Variants in PIK3C2G observed in about 807,000 individuals in gnomAD.
PIK3C2G encodes the protein phosphatidylinositol 3-kinase C2 domain-containing subunit gamma.
Under a neutral mutation model 181.1 loss-of-function variants are expected in PIK3C2G, and 168 were observed. The ratio of observed to expected loss-of-function variants is 0.93; its 90% CI spans 0.82 to 1.05. PIK3C2G has a LOEUF of 1.05. PIK3C2G is among the 50% of genes least tolerant of loss of function. PIK3C2G has a pLI of 0.00. For synonymous variants in PIK3C2G, 573 were observed against 592.2 expected, an observed-to-expected ratio of 0.97 and a Z score of 0.47; for missense variants, 1,869 against 1,732.8, an observed-to-expected ratio of 1.08 and a Z score of -1.40.
intron 29 of PIK3C2G, among the ~76,000 whole-genome samples, chr12:18,590,722 T>C (rs1445700715): frequency 1.3e-5 from 2 of 151,998 alleles, no homozygotes; most frequent in Non-Finnish European, 2.9e-5. Flanking sequence ...TTGATCATTT[T>C]GAGATCCAGT....
rs191244814 is a variant in PIK3C2G, at chr12:18,426,617, T to G, written c.2504+2578T>G. ...TCTATGTTTTACTCTCCTGAATGTA[T>G]GACAGGCATCATTTAGTTGCTTTGA... On this transcript the variant is annotated intron_variant, in intron 18 of 32. Coordinates refer to ENST00000538779, the MANE Select transcript of PIK3C2G (RefSeq NM_001288772.2). 2.7e-3 allele frequency among the ~76,000 whole-genome samples: 409 copies of G among 152,332 alleles called. 3 individuals are homozygous for G. The highest frequency in any genetic ancestry group is 4.6e-3 in the Non-Finnish European group (316 of 68,014).
At chr12:18,626,574 A>C (rs142291122) in intron 31 of PIK3C2G, among the ~76,000 whole-genome samples, 2 of 152,146 alleles carry the variant, frequency 1.3e-5, no homozygotes, top group African/African-American at 4.8e-5. Context: ...AACTCCCTTT[A>C]ATAATTTCTG....
In PIK3C2G at chr12:18,585,756, T is replaced by G. The variant is rs1322124003; in HGVS notation, c.4012-8738T>G. 2.0e-5 allele frequency among the ~76,000 whole-genome samples: 3 copies of G among 152,166 alleles called. No individual in the cohort carries two copies. In the South Asian group the frequency reaches 6.2e-4, roughly 31 times the overall value. On this transcript the variant is annotated intron_variant, in intron 29 of 32. Transcript: ENST00000538779. ...ACAACAGAACATACATTTTTCTTAT[T>G]GCCACATGGCACATACTCTAAAATC...
chr12:18,568,300 G>A (rs934429440), intron 29 of PIK3C2G, among the ~76,000 whole-genome samples: 1 of 152,014 alleles, frequency 6.6e-6, no homozygotes, highest in Non-Finnish European at 1.5e-5. Context: ...GAGTTTGGAC[G>A]CCAAGCCCAA....
At chr12:18,443,754 T>G (rs1202011287) in intron 18 of PIK3C2G, among the ~76,000 whole-genome samples, 1 of 152,208 alleles carries the variant, frequency 6.6e-6, no homozygotes, top group Non-Finnish European at 1.5e-5. Context: ...AAAGTCTATC[T>G]CTGATCTGTT....
chr12:18,331,826 G>A (rs1457586120), intron 8 of PIK3C2G, among the ~76,000 whole-genome samples: 2 of 152,014 alleles, frequency 1.3e-5, no homozygotes, highest in Admixed American at 6.6e-5. Flanking sequence ...ATATTTTACT[G>A]GGTTGAAAAA....
the PIK3C2G span, among the ~76,000 whole-genome samples, chr12:18,717,214 T>G: frequency 9.2e-5 from 14 of 152,094 alleles, no homozygotes; most frequent in African/African-American, 3.1e-4. Context: ...TATAACTGCT[T>G]TAATATTTAT....
At chr12:18,388,544 A>T (rs780707854) in intron 14 of PIK3C2G, among the ~76,000 whole-genome samples, 1 of 152,142 alleles carries the variant, frequency 6.6e-6, no homozygotes, top group African/African-American at 2.4e-5. Flanking sequence ...CAAAGTCCTG[A>T]GATTACAGGC....
chr12:18,387,541 A>G (rs189375022), intron 14 of PIK3C2G, among the ~76,000 whole-genome samples: 1 of 151,956 alleles, frequency 6.6e-6, no homozygotes, highest in East Asian at 1.9e-4. Context: ...TTCACCCTCC[A>G]CTGTCCACCC....
intron 29 of PIK3C2G, among the ~76,000 whole-genome samples, chr12:18,593,737 A>C (rs901531121): frequency 3.9e-5 from 6 of 151,920 alleles, no homozygotes; most frequent in African/African-American, 1.2e-4. Flanking sequence ...AGATCAGGTT[A>C]AATGTCAATT....
the PIK3C2G span, chr12:18,723,404 G>C: frequency 6.2e-7 from 1 of 1,613,040 alleles, no homozygotes; most frequent in Non-Finnish European, 8.5e-7. Context: ...AATTGAGCCA[G>C]ATTACTTGCT....
At chr12:18,556,161 G>A (rs369111133) in intron 26 of PIK3C2G, among the ~76,000 whole-genome samples, 2 of 152,124 alleles carry the variant, frequency 1.3e-5, no homozygotes, top group Non-Finnish European at 2.9e-5. Context: ...CCTCCCAGCT[G>A]CTGCTTTATT....
chr12:18,680,758 G>T, the PIK3C2G span, among the ~76,000 whole-genome samples: 3 of 152,062 alleles, frequency 2.0e-5, no homozygotes, highest in African/African-American at 4.8e-5. Context: ...GGGCATCTCA[G>T]TAAGAGGGTA....
Position 18,505,444 on chromosome 12 carries a change from A to G in PIK3C2G, c.3306A>G (p.Thr1102=). The change falls in exon 24 of 33, where the codon ACA becomes ACG. Residue 1102 remains threonine (T), a synonymous_variant. Coordinates refer to ENST00000538779, the MANE Select transcript of PIK3C2G (RefSeq NM_001288772.2). ...DFGKFLGHAQ[T]FGGIKRDRAP... ...GAAAATTCTTAGGTCATGCACAAAC[A>G]TTTGGAGGGATAAAAAGGTCAGTGC... 6.2e-7 allele frequency: 1 copy of G among 1,612,786 alleles called. No individual in the cohort carries two copies. Among genetic ancestry groups the G allele is most frequent in the African/African-American group, 1.3e-5 (1 of 75,036 alleles).
At chr12:18,263,540 A>C (rs938343812) in intron 1 of PIK3C2G, among the ~76,000 whole-genome samples, 1 of 152,146 alleles carries the variant, frequency 6.6e-6, no homozygotes, top group Non-Finnish European at 1.5e-5. Context: ...TCCTTGTAGC[A>C]GTATAAACTG....
intron 7 of PIK3C2G, among the ~76,000 whole-genome samples, chr12:18,324,773 C>A (rs1175780912): frequency 5.3e-5 from 8 of 152,142 alleles, no homozygotes; most frequent in Non-Finnish European, 1.0e-4. Flanking sequence ...ATATAATGAT[C>A]AGCCTTTGAG....
intron 1 of PIK3C2G, chr12:18,248,134 A>T (rs1277274829): frequency 6.6e-6 from 1 of 152,192 alleles, no homozygotes; most frequent in Non-Finnish European, 1.5e-5. Context: ...TTAAATTCTG[A>T]GCTCAAGCAG....
chr12:18,683,735 G>A, the PIK3C2G span: 2 of 763,182 alleles, frequency 2.6e-6, no homozygotes, highest in Non-Finnish European at 4.0e-6. Flanking sequence ...CCTGAAAAGG[G>A]GTCAGGAAAG....
chr12:18,388,324 G>A (rs1056525583), intron 14 of PIK3C2G, among the ~76,000 whole-genome samples: 1 of 152,026 alleles, frequency 6.6e-6, no homozygotes, highest in East Asian at 1.9e-4. Context: ...AAGCTGGAGG[G>A]CAGTGGCGTG....
Sources: allele counts gnomAD v4.1 joint callset (sites outside exome capture counted in the v4.1 genomes callset), GRCh38; gene constraint gnomAD v4.1.1; transcripts MANE v1.5; gene names NCBI Gene and HGNC (gene_info 2026-07-23, HGNC 2026-07-21).